Variants in NCBP3 observed in about 807,000 individuals in gnomAD.
The protein encoded by NCBP3 is nuclear cap binding subunit 3, also known as nuclear cap-binding protein subunit 3.
A neutral mutation model predicts 75.7 loss-of-function variants in NCBP3; 20 were observed. The ratio of observed to expected loss-of-function variants is 0.26; its 90% CI spans 0.19 to 0.38. The LOEUF (loss-of-function observed/expected upper bound fraction) is 0.38. NCBP3 is among the 10% of genes least tolerant of loss of function. The pLI is 1.00. For synonymous variants in NCBP3, 293 were observed against 290.5 expected, an observed-to-expected ratio of 1.01 and a Z score of -0.09; for missense variants, 678 against 796.9, an observed-to-expected ratio of 0.85 and a Z score of 1.80.
In NCBP3 at chr17:3,831,868, T is replaced by C. The variant is rs1165913156; in HGVS notation, c.356-2500A>G. Among the ~76,000 whole-genome samples, 4 of 121,620 alleles carry C rather than the reference T, an allele frequency of 3.3e-5. 2 individuals carry two copies. The highest frequency in any genetic ancestry group is 5.0e-5 in the African/African-American group (2 of 39,926). The allele number at this position is 121,620 out of a possible 152,430, so 79.8% of individuals were successfully genotyped here. On this transcript the variant is annotated intron_variant, in intron 3 of 12. Transcript: ENST00000389005. ...TTTTAAAATAACATAAAGAGTGTAA[T>C]TGGATTGTTTGTAACTCAATAAAAG...
rs2053301154 is a variant in NCBP3, at chr17:3,803,619, G to C, written c.*9425C>G. On this transcript the variant is annotated 3_prime_UTR_variant, in exon 13 of 13. Coordinates refer to ENST00000389005, the MANE Select transcript of NCBP3 (RefSeq NM_001114118.3). ...AGGATAGGAAGAAACAGGGGTGAGG[G>C]AGAAGAGGAGGGAACGAATGAAAGA... 6.6e-6 allele frequency: 1 copy of C among 152,242 alleles called. No homozygotes were observed. Among genetic ancestry groups the C allele is most frequent in the Admixed American group, 6.5e-5 (1 of 15,276 alleles). The allele number at this position is 152,242 out of a possible 1,614,324, so 9.4% of individuals were successfully genotyped here.
rs117005963 is a variant in NCBP3, at chr17:3,804,095, A to G, written c.*8949T>C. On this transcript the variant is annotated 3_prime_UTR_variant, in exon 13 of 13. Coordinates refer to ENST00000389005, the MANE Select transcript of NCBP3 (RefSeq NM_001114118.3). ...CGTCTCAGAAAAAGTGGCCAGGTGC[A>G]CTTGTAGTCACAGTTACTTAAGAGG... 1 of 152,202 alleles carries G rather than the reference A, an allele frequency of 6.6e-6. No homozygotes were observed. Among genetic ancestry groups the G allele is most frequent in the Non-Finnish European group, 1.5e-5 (1 of 68,056 alleles). The allele number at this position is 152,202 out of a possible 1,614,324, so 9.4% of individuals were successfully genotyped here. A position where few individuals can be genotyped will look rare whatever the true frequency, so the allele number is the denominator to read the frequency against.
At position 3,846,031 on chromosome 17, in the gene NCBP3, C is replaced by T. The variant is rs1446950771; in HGVS notation, c.183+10G>A. The T allele has an allele frequency of 6.5e-7, 1 of 1,546,084 alleles. No individual in the cohort carries two copies. Among genetic ancestry groups the T allele is most frequent in the Admixed American group, 2.0e-5 (1 of 50,738 alleles). ...CGACCTCTTCCTTACCCCCCGACCC[C>T]CGCCCGTACCGGGATCAGTTCCTTG... is the stretch of plus-strand genomic sequence containing the variant. On this transcript the variant is annotated intron_variant, in intron 1 of 12. Transcript: ENST00000389005. The surrounding 1 kb of genome is among the most constrained non-coding windows in gnomAD (Gnocchi z 4.6).
rs902582807 is a variant in NCBP3, at chr17:3,818,996, T to C, written c.1001-424A>G. 1.3e-5 allele frequency among the ~76,000 whole-genome samples: 2 copies of C among 152,196 alleles called. No homozygotes were observed. The highest frequency in any genetic ancestry group is 2.9e-5 in the Non-Finnish European group (2 of 68,032). On this transcript the variant is annotated intron_variant, in intron 9 of 12. Transcript: ENST00000389005. The surrounding 1 kb of genome is among the most constrained non-coding windows in gnomAD (Gnocchi z 4.7). ...AGCAACACTCCACCTTCCTGTTTCA[T>C]CTCATGCTGTAAACAAGCGTCTGTT...
At chr17:3,839,857 A>T (rs999154246) in intron 3 of NCBP3, among the ~76,000 whole-genome samples, 2 of 152,194 alleles carry the variant, frequency 1.3e-5, no homozygotes, top group African/African-American at 4.8e-5. Context: ...CTAACTGGTA[A>T]CTTTTTCTGG....
Position 3,836,654 on chromosome 17 carries a change from C to CA in NCBP3, c.355+3445dup, listed in dbSNP as rs56253811. On this transcript the variant is annotated intron_variant, in intron 3 of 12. Transcript: ENST00000389005. Reference sequence around the variant, plus strand: ...GGCAACAGAGTGAGACTCCGTCTCTCAAAAAAAAAAAAAAAAAAAAGAATT... The same window carrying CA: ...GGCAACAGAGTGAGACTCCGTCTCTCAAAAAAAAAAAAAAAAAAAAAGAATT... 8.4e-3 allele frequency among the ~76,000 whole-genome samples: 757 copies of CA among 90,130 alleles called. 8 individuals carry two copies. Among genetic ancestry groups the CA allele is most frequent in the African/African-American group, 0.023 (536 of 23,336 alleles). The allele number at this position is 90,130 out of a possible 152,430, so 59.1% of individuals were successfully genotyped here. A position where few individuals can be genotyped will look rare whatever the true frequency, so the allele number is the denominator to read the frequency against.
rs1239954146 is a variant in NCBP3, at chr17:3,829,331, G to A, written c.393C>T (p.Cys131=). ...PKVRLETIYI[C]GVDEMSTQDV... ...CTTGGGTGCTCATCTCATCTACTCC[G>A]CAAATATAGATTGTCTCCAGTCTCA... Residue 131 remains cysteine (C), a synonymous_variant, in exon 4 of 13, where the codon TGC becomes TGT. Transcript: ENST00000389005. 11 of 1,551,486 alleles carry A rather than the reference G, an allele frequency of 7.1e-6. No individual in the cohort carries two copies. Among genetic ancestry groups the A allele is most frequent in the African/African-American group, 4.1e-5 (3 of 72,968 alleles).
At position 3,816,229 on chromosome 17, in the gene NCBP3, T is replaced by C; in HGVS notation, c.1352A>G (p.Lys451Arg). The C allele has an allele frequency of 6.2e-7, 1 of 1,614,232 alleles. No individual in the cohort carries two copies. The highest frequency in any genetic ancestry group is 1.3e-5 in the African/African-American group (1 of 75,062). ...TGGTAATTTGTTACCAATTCGGTTTTTGATATTGCTTGAAGATACACTATC... is the reference window on the plus strand; with the variant it reads ...TGGTAATTTGTTACCAATTCGGTTTCTGATATTGCTTGAAGATACACTATC... ...RADSVSSSNI[K>R]NRIGNKLPPE... The change falls in exon 11 of 13, where the codon AAA (lysine) becomes AGA (arginine). Residue 451 changes from lysine to arginine, a missense_variant. Physicochemically the swap from Lys to Arg is conservative, Grantham distance 26. Around this residue, in one of 7 missense-constraint regions of NCBP3, gnomAD observed 365 missense variants for 392.7 expected, o/e 0.93. Coordinates refer to ENST00000389005, the MANE Select transcript of NCBP3 (RefSeq NM_001114118.3).
At position 3,840,156 on chromosome 17, in the gene NCBP3, G is replaced by C. The variant is rs1010548925; in HGVS notation, c.299C>G (p.Ser100Trp). The C allele has an allele frequency of 1.3e-6, 2 of 1,551,582 alleles. No homozygotes were observed. Among genetic ancestry groups the C allele is most frequent in the South Asian group, 1.2e-5 (1 of 84,056 alleles). Residue 100 changes from serine to tryptophan, a missense_variant, in exon 3 of 13, where the codon TCG (serine) becomes TGG (tryptophan). This residue lies in a region of NCBP3 where 40 missense variants were observed against 41.3 expected (regional missense o/e 0.97). Transcript: ENST00000389005. ...EQRAKRFHFR[S>W]EVNLAQRNVA... ...ATTTCTTTGGGCAAGATTTACTTCCGATCGAAAATGGAAGCGCTTGGCTCG... is the reference window on the plus strand; with the variant it reads ...ATTTCTTTGGGCAAGATTTACTTCCCATCGAAAATGGAAGCGCTTGGCTCG...
rs995630069 is a variant in NCBP3 at position 3,818,226 on chromosome 17, C to A, written c.1310+37G>T. 17 of 1,412,880 alleles carry A rather than the reference C, an allele frequency of 1.2e-5. No homozygotes were observed. The highest frequency in any genetic ancestry group is 8.2e-5 in the South Asian group (6 of 72,912). 87.5% of individuals were successfully genotyped at this position (1,412,880 alleles called of 1,614,324 possible). On this transcript the variant is annotated intron_variant, in intron 10 of 12. Transcript: ENST00000389005. This position sits in a 1 kb window ranked among gnomAD's most constrained non-coding sequence, Gnocchi z 4.7. ...AAGAAGTTATACTAGTATTTAAAAT[C>A]AAATTAAAAGCTAGCTTTGATAAAA...
At chr17:3,841,342 AT>A (rs1160007463) in intron 2 of NCBP3, among the ~76,000 whole-genome samples, 1 of 152,106 alleles carries the variant, frequency 6.6e-6, no homozygotes, top group East Asian at 1.9e-4. Flanking sequence ...GCTTGTGGGG[AT>A]TGGTAAAGTT....
intron 11 of NCBP3, 131 bp from the exon 12 acceptor site, chr17:3,814,614 A>AG: frequency 2.3e-6 from 2 of 878,520 alleles, no homozygotes; most frequent in Non-Finnish European, 3.4e-6. Context: ...TCAGGCTGCT[A>AG]AGTATTCTTC....
At position 3,803,919 on chromosome 17, in the gene NCBP3, CAAAA is replaced by C. The variant is rs762549050; in HGVS notation, c.*9121_*9124del. On this transcript the variant is annotated 3_prime_UTR_variant, in exon 13 of 13. Transcript: ENST00000389005. ...TGAAACCCGGTCTCTACTAAAAATA[CAAAA>C]AAAATTAGCCAGGCGTGGTGGCGGG... 1 of 151,732 alleles carries C rather than the reference CAAAA, an allele frequency of 6.6e-6. No individual in the cohort carries two copies. The highest frequency in any genetic ancestry group is 6.6e-5 in the Admixed American group (1 of 15,236). 9.4% of individuals were successfully genotyped at this position (151,732 alleles called of 1,614,324 possible).
At chr17:3,825,096 G>T in intron 6 of NCBP3, 46 bp from the exon 7 acceptor site, 1 of 1,111,698 alleles carries the variant, frequency 9.0e-7, no homozygotes, top group Non-Finnish European at 1.3e-6. Context: ...AAGTCCTTTT[G>T]ATATTTCTTC....
At chr17:3,816,337 A>T (rs949953292) in intron 10 of NCBP3, 67 bp from the exon 11 acceptor site, 3 of 1,388,786 alleles carry the variant, frequency 2.2e-6, no homozygotes, top group Non-Finnish European at 3.0e-6. Flanking sequence ...CCCAAACAAC[A>T]ATCTCATACT....
chr17:3,827,336 C>A (rs1310122582), intron 4 of NCBP3, among the ~76,000 whole-genome samples: 1 of 152,236 alleles, frequency 6.6e-6, no homozygotes, highest in Non-Finnish European at 1.5e-5. Flanking sequence ...GTCCTTTACA[C>A]TACCGCCCCC....
intron 2 of NCBP3, among the ~76,000 whole-genome samples, chr17:3,841,859 AG>A (rs1181354912): frequency 2.0e-5 from 3 of 151,544 alleles, no homozygotes; most frequent in Admixed American, 6.6e-5. Context: ...CACTATAAAA[AG>A]GAAGGCACGA....
rs192332740 is a variant in NCBP3, at chr17:3,845,955, G to A, written c.183+86C>T. 1.8e-3 allele frequency: 2,532 copies of A among 1,421,544 alleles called. 35 individuals are homozygous for A. In the African/African-American group the frequency reaches 0.031, roughly 18 times the overall value. The allele number at this position is 1,421,544 out of a possible 1,614,324, so 88.1% of individuals were successfully genotyped here. ...CGCTCCCTTGACTTCCCCGGCTGGG[G>A]CTCCGGCCACCGCCCCTTCCGGCCC... is the stretch of plus-strand genomic sequence containing the variant. On this transcript the variant is annotated intron_variant, in intron 1 of 12. Coordinates refer to ENST00000389005, the MANE Select transcript of NCBP3 (RefSeq NM_001114118.3).
At chr17:3,814,659 C>T (rs934531524) in intron 11 of NCBP3, among the ~76,000 whole-genome samples, 176 bp from the exon 12 acceptor site, 4 of 151,942 alleles carry the variant, frequency 2.6e-5, no homozygotes, top group Admixed American at 1.3e-4. Context: ...TAGGAAAATT[C>T]GGACATAGGG....
Sources: allele counts gnomAD v4.1 joint callset (sites outside exome capture counted in the v4.1 genomes callset), GRCh38; gene constraint gnomAD v4.1.1; regional missense constraint gnomAD v4.1.1; non-coding constraint Gnocchi (gnomAD v3.1); transcripts MANE v1.5; gene names NCBI Gene and HGNC (gene_info 2026-07-23, HGNC 2026-07-21).